The following CMKLR2 variants were observed in gnomAD, a reference collection of about 807,000 sequenced individuals.
CMKLR2 encodes chemerin chemokine-like receptor 2, also known as chemerin-like receptor 2.
In CMKLR2, 18 loss-of-function variants were observed where a neutral mutation model predicts 23.0. The observed-to-expected ratio is 0.78, with a 90% confidence interval of 0.54 to 1.16. The LOEUF is 1.16. CMKLR2 is among the 50% of genes most tolerant of loss of function. The pLI, the probability that CMKLR2 is intolerant of heterozygous loss-of-function variation, is 0.00. For missense variants in CMKLR2, 401 were observed against 412.7 expected (o/e 0.97, Z 0.25); for synonymous variants, 158 against 158.9 (o/e 0.99, Z 0.05).
intron 1 of CMKLR2, among the ~76,000 whole-genome samples, chr2:206,187,901 CT>C (rs1399881033): frequency 1.3e-5 from 2 of 151,978 alleles, no homozygotes; most frequent in Non-Finnish European, 2.9e-5. Flanking sequence ...TATTAGGTCT[CT>C]TTTTTTAATT....
At chr2:206,208,265 G>A (rs980741003) in intron 1 of CMKLR2, among the ~76,000 whole-genome samples, 3 of 152,204 alleles carry the variant, frequency 2.0e-5, no homozygotes, top group Admixed American at 2.0e-4. Context: ...TTTAGGCTGG[G>A]TGTGGTGGCT....
At chr2:206,208,834 C>T (rs1452861682) in intron 1 of CMKLR2, among the ~76,000 whole-genome samples, 1 of 151,942 alleles carries the variant, frequency 6.6e-6, no homozygotes, top group Non-Finnish European at 1.5e-5. Flanking sequence ...CCATGCCTGG[C>T]TAATTCTTAA....
At chr2:206,186,207 G>A (rs1469629794) in intron 1 of CMKLR2, among the ~76,000 whole-genome samples, 1 of 150,976 alleles carries the variant, frequency 6.6e-6, no homozygotes, top group East Asian at 1.9e-4. Context: ...TGTCTCCCAG[G>A]TTCATGCCAT....
chr2:206,194,028 T>A (rs908432658), intron 1 of CMKLR2, among the ~76,000 whole-genome samples: 3 of 152,200 alleles, frequency 2.0e-5, no homozygotes, highest in African/African-American at 7.2e-5. Flanking sequence ...AGATACTTCC[T>A]CTCTTAAAGA....
At chr2:206,187,144 C>T (rs377160915) in intron 1 of CMKLR2, among the ~76,000 whole-genome samples, 9 of 152,080 alleles carry the variant, frequency 5.9e-5, no homozygotes, top group African/African-American at 1.9e-4. Flanking sequence ...GTAAGGAGTT[C>T]GAGACCAGCC....
At chr2:206,194,412 GATTC>G (rs1026934869) in intron 1 of CMKLR2, among the ~76,000 whole-genome samples, 34 of 150,716 alleles carry the variant, frequency 2.3e-4, no homozygotes, top group African/African-American at 8.0e-4. Context: ...GTGGGTGCCA[GATTC>G]ATTATTATGA....
intron 1 of CMKLR2, among the ~76,000 whole-genome samples, chr2:206,185,190 T>C (rs1688541838): frequency 6.6e-6 from 1 of 152,162 alleles, no homozygotes; most frequent in Non-Finnish European, 1.5e-5. Context: ...TTTCACCATG[T>C]TGGCCAGGCT....
chr2:206,200,186 G>A (rs900211405), intron 1 of CMKLR2, among the ~76,000 whole-genome samples: 2 of 152,024 alleles, frequency 1.3e-5, no homozygotes, highest in Non-Finnish European at 2.9e-5. Flanking sequence ...CACTTTGGGA[G>A]GCTGAGGCGG....
chr2:206,189,243 A>G (rs954509420), intron 1 of CMKLR2, among the ~76,000 whole-genome samples: 7 of 152,154 alleles, frequency 4.6e-5, no homozygotes, highest in African/African-American at 1.7e-4. Context: ...TTCCTCACAC[A>G]CTCTGGTAAA....
intron 1 of CMKLR2, among the ~76,000 whole-genome samples, chr2:206,196,015 C>G (rs746761621): frequency 3.9e-5 from 6 of 152,078 alleles, no homozygotes; most frequent in Non-Finnish European, 5.9e-5. Flanking sequence ...GCATTCTTAT[C>G]TAAATTGGTA....
intron 1 of CMKLR2, chr2:206,204,071 G>A (rs1200636619): frequency 6.6e-6 from 1 of 152,286 alleles, no homozygotes; most frequent in African/African-American, 2.4e-5. Context: ...TGCAATATCA[G>A]GCCGGGCGCA....
chr2:206,181,640 GA>G (rs1688416293), intron 1 of CMKLR2, among the ~76,000 whole-genome samples: 1 of 152,098 alleles, frequency 6.6e-6, no homozygotes, highest in East Asian at 1.9e-4. Flanking sequence ...GTAAGCCAGT[GA>G]AAAGAAAATG....
At chr2:206,200,351 A>C (rs1463848977) in intron 1 of CMKLR2, among the ~76,000 whole-genome samples, 1 of 152,148 alleles carries the variant, frequency 6.6e-6, no homozygotes, top group Non-Finnish European at 1.5e-5. Flanking sequence ...TGAACCTGGG[A>C]GGCGGAGGAT....
chr2:206,176,405 C>T lies in CMKLR2; in HGVS notation c.843G>A (p.Val281=). The T allele has an allele frequency of 6.2e-7, 1 of 1,614,156 alleles. No homozygotes were observed. The highest frequency in any genetic ancestry group is 8.5e-7 in the Non-Finnish European group (1 of 1,180,032). ...TGGAGAGGGGGATTCCAGCCTGCATCACATGGTGGGAATAGCTATTGTGGT... is the reference window on the plus strand; with the variant it reads ...TGGAGAGGGGGATTCCAGCCTGCATTACATGGTGGGAATAGCTATTGTGGT... The part of the protein sequence containing the change: ...TIHHNSYSHH[V]MQAGIPLSTG... The change falls in exon 2 of 2, where the codon GTG becomes GTA. Residue 281 remains valine (V), a synonymous_variant. Coordinates refer to ENST00000621141, the MANE Select transcript of CMKLR2 (RefSeq NM_001389445.1).
intron 1 of CMKLR2, among the ~76,000 whole-genome samples, chr2:206,180,401 G>A (rs1199624665): frequency 2.0e-5 from 3 of 151,454 alleles, no homozygotes; most frequent in Admixed American, 1.3e-4. Flanking sequence ...GCCTAGAGGC[G>A]CTGACCCCAC....
intron 1 of CMKLR2, among the ~76,000 whole-genome samples, chr2:206,209,686 T>C (rs1335965782): frequency 1.3e-5 from 2 of 151,066 alleles, no homozygotes; most frequent in East Asian, 1.9e-4. Flanking sequence ...TCTTGCTGTG[T>C]TGCCCAGGCT....
intron 1 of CMKLR2, among the ~76,000 whole-genome samples, chr2:206,195,384 C>T (rs934072808): frequency 2.0e-5 from 3 of 152,122 alleles, no homozygotes; most frequent in African/African-American, 7.2e-5. Flanking sequence ...AGAAGCAAGA[C>T]GTTGCATCTG....
chr2:206,187,726 T>C (rs1280583518), intron 1 of CMKLR2, among the ~76,000 whole-genome samples: 2 of 152,126 alleles, frequency 1.3e-5, no homozygotes, highest in African/African-American at 4.8e-5. Flanking sequence ...AAGATAAACA[T>C]AGATACATGC....
chr2:206,180,576 A>G (rs1034777497), intron 1 of CMKLR2, among the ~76,000 whole-genome samples: 1 of 152,012 alleles, frequency 6.6e-6, no homozygotes, highest in Non-Finnish European at 1.5e-5. Context: ...CTGGGACTAC[A>G]GAAGTACATC....
Sources: allele counts gnomAD v4.1 joint callset (sites outside exome capture counted in the v4.1 genomes callset), GRCh38; gene constraint gnomAD v4.1.1; transcripts MANE v1.5; gene names NCBI Gene and HGNC (gene_info 2026-07-23, HGNC 2026-07-21).